Variants in DYNC1I1 observed in about 807,000 individuals in gnomAD.
DYNC1I1 encodes cytoplasmic dynein 1 intermediate chain 1.
DYNC1I1 carries 43 observed loss-of-function variants against 86.6 expected under a neutral mutation model. That is an observed-to-expected ratio of 0.50 (90% CI 0.39 to 0.64). DYNC1I1 has a LOEUF of 0.64. DYNC1I1 is among the 30% of genes least tolerant of loss of function. DYNC1I1 has a pLI of 0.00. For synonymous variants in DYNC1I1, 262 were observed against 283.7 expected, an observed-to-expected ratio of 0.92 and a Z score of 0.77; for missense variants, 604 against 788.8, an observed-to-expected ratio of 0.77 and a Z score of 2.81.
intron 16 of DYNC1I1, among the ~76,000 whole-genome samples, chr7:96,095,053 C>A (rs986431788): frequency 1.3e-5 from 2 of 152,118 alleles, no homozygotes; most frequent in African/African-American, 4.8e-5. Flanking sequence ...TTTCTAAGGG[C>A]ATGTGTTAGT....
chr7:95,788,587 G>A (rs755466174), intron 1 of DYNC1I1, among the ~76,000 whole-genome samples: 17 of 152,218 alleles, frequency 1.1e-4, no homozygotes, highest in Non-Finnish European at 1.9e-4. Context: ...TCAGGGCGAT[G>A]TCAGTTGGTC....
intron 6 of DYNC1I1, among the ~76,000 whole-genome samples, chr7:95,873,751 G>C (rs986263932): frequency 1.3e-5 from 2 of 152,194 alleles, no homozygotes; most frequent in African/African-American, 4.8e-5. Flanking sequence ...AAAGAGAAAG[G>C]CTGCAGGTCT....
At chr7:96,059,913 C>G (rs368012924) in intron 14 of DYNC1I1, among the ~76,000 whole-genome samples, 2 of 152,118 alleles carry the variant, frequency 1.3e-5, no homozygotes, top group Non-Finnish European at 2.9e-5. Context: ...AATGTATGGT[C>G]TTTTTGGCCT....
At chr7:95,975,622 G>T (rs1326847967) in intron 6 of DYNC1I1, among the ~76,000 whole-genome samples, 1 of 152,144 alleles carries the variant, frequency 6.6e-6, no homozygotes, top group African/African-American at 2.4e-5. Flanking sequence ...CACATTCTGA[G>T]GTACTGGGGT....
At chr7:95,949,033 G>C (rs1792480608) in intron 6 of DYNC1I1, among the ~76,000 whole-genome samples, 1 of 152,112 alleles carries the variant, frequency 6.6e-6, no homozygotes, top group Non-Finnish European at 1.5e-5. Context: ...ATCTTACTCT[G>C]CTTTTGCAAC....
chr7:95,925,422 G>T (rs1791717785), intron 6 of DYNC1I1, among the ~76,000 whole-genome samples: 1 of 152,100 alleles, frequency 6.6e-6, no homozygotes, highest in Non-Finnish European at 1.5e-5. Context: ...CAATTCCAAA[G>T]GTTGGTGTCA....
intron 6 of DYNC1I1, among the ~76,000 whole-genome samples, chr7:95,956,639 T>G (rs1792723812): frequency 6.6e-6 from 1 of 152,124 alleles, no homozygotes; most frequent in South Asian, 2.1e-4. Context: ...AGTGTTTGGT[T>G]TTCTGTTCCT....
chr7:95,773,548 G>C (rs1163023903), intron 1 of DYNC1I1, among the ~76,000 whole-genome samples: 2 of 152,078 alleles, frequency 1.3e-5, no homozygotes, highest in African/African-American at 4.8e-5. Context: ...AGAAGCCCAG[G>C]ATCAGGACAG....
intron 2 of DYNC1I1, among the ~76,000 whole-genome samples, chr7:95,810,186 A>T (rs1794796052): frequency 6.6e-6 from 1 of 152,168 alleles, no homozygotes; most frequent in Admixed American, 6.5e-5. Flanking sequence ...AGCAGGAAAA[A>T]GCCTTCAGCC....
chr7:95,986,023 C>CAT (rs538069759), intron 8 of DYNC1I1, among the ~76,000 whole-genome samples: 1 of 132,656 alleles, frequency 7.5e-6, no homozygotes, highest in Non-Finnish European at 1.6e-5. Flanking sequence ...CCTGGCAGGA[C>CAT]GTGTGTGTGT....
At chr7:95,811,324 A>G (rs1275080139) in intron 3 of DYNC1I1, among the ~76,000 whole-genome samples, 2 of 151,896 alleles carry the variant, frequency 1.3e-5, no homozygotes, top group African/African-American at 4.8e-5. Context: ...ATAGTTAAAA[A>G]CCCTTTTGGA....
At chr7:95,954,468 T>C (rs957947483) in intron 6 of DYNC1I1, among the ~76,000 whole-genome samples, 1 of 151,970 alleles carries the variant, frequency 6.6e-6, no homozygotes, top group African/African-American at 2.4e-5. Flanking sequence ...GTGTAGACAG[T>C]GCTTATAGAA....
chr7:95,977,375 A>T, intron 6 of DYNC1I1, 137 bp from the exon 7 acceptor site: 1 of 610,600 alleles, frequency 1.6e-6, no homozygotes, highest in Non-Finnish European at 2.7e-6. Flanking sequence ...TATCTTGGGC[A>T]TTCATTGTGG....
chr7:95,938,706 A>G (rs552101992), intron 6 of DYNC1I1, among the ~76,000 whole-genome samples: 3 of 152,268 alleles, frequency 2.0e-5, no homozygotes, highest in African/African-American at 7.2e-5. Context: ...AAGGTCATGT[A>G]TTGAAAGCTT....
chr7:95,852,883 A>T (rs1031285089), intron 5 of DYNC1I1, among the ~76,000 whole-genome samples: 1 of 152,168 alleles, frequency 6.6e-6, no homozygotes, highest in Non-Finnish European at 1.5e-5. Context: ...AAGGTGAAAC[A>T]TTAGATTATT....
In DYNC1I1 at chr7:95,959,569, T is replaced by C. The variant is rs1177007806; in HGVS notation, c.491-17943T>C. On this transcript the variant is annotated intron_variant, in intron 6 of 16. Coordinates refer to ENST00000447467, the MANE Select transcript of DYNC1I1 (RefSeq NM_001135556.2). ...AGTGACTGGTTCTCAATCCCAAAGT[T>C]AGGATCCAGGAAGAAGATTAGTTTG... 3.3e-5 allele frequency among the ~76,000 whole-genome samples: 5 copies of C among 152,162 alleles called. No homozygotes were observed. In the East Asian group the frequency reaches 7.7e-4, roughly 23 times the overall value.
Position 96,028,246 on chromosome 7 carries a change from G to C in DYNC1I1, c.1041G>C (p.Gln347His), listed in dbSNP as rs1440731310. 1 of 1,613,908 alleles carries C rather than the reference G, an allele frequency of 6.2e-7. No homozygotes were observed. Among genetic ancestry groups the C allele is most frequent in the Non-Finnish European group, 8.5e-7 (1 of 1,179,866 alleles). The part of the protein sequence containing the change: ...NLVVGGTYSG[Q>H]IVLWDNRSHR... ...TGGTTGGTGGGACTTACTCGGGCCA[G>C]ATTGTCCTCTGGGACAATCGCAGTC... The change falls in exon 11 of 17, where the codon CAG becomes CAC. Residue 347 changes from glutamine to histidine, a missense_variant. By Grantham distance (24) the Gln-to-His change is conservative (BLOSUM62 0). Coordinates refer to ENST00000447467, the MANE Select transcript of DYNC1I1 (RefSeq NM_001135556.2).
At chr7:95,799,550 A>T (rs1794527585) in intron 1 of DYNC1I1, among the ~76,000 whole-genome samples, 1 of 152,026 alleles carries the variant, frequency 6.6e-6, no homozygotes, top group African/African-American at 2.4e-5. Context: ...GGACAGCTTG[A>T]TATGTAATTC....
chr7:95,979,310 TA>T (rs1315963054), intron 7 of DYNC1I1, among the ~76,000 whole-genome samples: 1 of 152,258 alleles, frequency 6.6e-6, no homozygotes, highest in African/African-American at 2.4e-5. Flanking sequence ...CACTACAGAC[TA>T]AGTTAGTTTA....
Sources: gnomAD v4.1 joint callset for allele counts (sites outside exome capture counted in the v4.1 genomes callset) on GRCh38, gnomAD v4.1.1 for gene constraint, MANE v1.5 for transcripts, NCBI Gene and HGNC (gene_info 2026-07-23, HGNC 2026-07-21) for gene names.